TENM1: variants seen among roughly 807,000 people sequenced by gnomAD.
TENM1 encodes teneurin transmembrane protein 1.
In TENM1, 35 loss-of-function variants were observed where a neutral mutation model predicts 174.8. That is an observed-to-expected ratio of 0.20 (90% CI 0.15 to 0.27). The LOEUF (loss-of-function observed/expected upper bound fraction) is 0.27. Ranked by LOEUF, TENM1 falls within the 10% of genes least tolerant of loss-of-function variation. The pLI, the probability that TENM1 is intolerant of heterozygous loss-of-function variation, is 1.00. For synonymous variants in TENM1, 781 were observed against 798.7 expected, an observed-to-expected ratio of 0.98 and a Z score of 0.37; for missense variants, 1,633 against 2,130.1, an observed-to-expected ratio of 0.77 and a Z score of 4.59.
chrX:124,602,603 C>A (rs1215349966), intron 11 of TENM1, among the ~76,000 whole-genome samples: 1 of 110,406 alleles, frequency 9.1e-6, no homozygotes, highest in Non-Finnish European at 1.9e-5. Context: ...TGTTATGGTG[C>A]AAGGGTGAGG....
the TENM1 span, among the ~76,000 whole-genome samples, chrX:125,008,163 C>T: frequency 5.1e-3 from 563 of 109,586 alleles, 3 homozygotes; most frequent in Non-Finnish European, 8.4e-3. Context: ...CACATATAGG[C>T]TTAAAATAAA....
chrX:125,090,374 G>A, the TENM1 span, among the ~76,000 whole-genome samples: 3 of 111,314 alleles, frequency 2.7e-5, no homozygotes, highest in Non-Finnish European at 5.7e-5. Context: ...GGCCAGATAC[G>A]GTGGCTCACG....
the TENM1 span, among the ~76,000 whole-genome samples, chrX:125,156,571 C>T: frequency 8.9e-6 from 1 of 112,224 alleles, no homozygotes; most frequent in Non-Finnish European, 1.9e-5. Context: ...ATCCATACTG[C>T]TGCAAAGGAC....
Position 124,547,098 on chromosome X carries a change from TA to T in TENM1, c.2435-9del. 8.4e-7 allele frequency: 1 copy of T among 1,187,087 alleles called. No individual in the cohort carries two copies. Among genetic ancestry groups the T allele is most frequent in the Non-Finnish European group, 1.1e-6 (1 of 874,753 alleles). On this transcript the variant is annotated splice_polypyrimidine_tract_variant and intron_variant, in intron 14 of 31. Coordinates refer to ENST00000422452, the Ensembl canonical transcript of TENM1. ...CACAGTCGGTTAAACCATCTGGAAA[TA>T]AAACCCAAAACCAATATTGATTATT...
the TENM1 span, among the ~76,000 whole-genome samples, chrX:125,066,127 A>G: frequency 8.9e-6 from 1 of 111,925 alleles, no homozygotes; most frequent in Admixed American, 9.5e-5. Flanking sequence ...ACTTAAAAAG[A>G]TTTTTCTAAG....
At chrX:124,635,882 T>C (rs73558356) in intron 11 of TENM1, among the ~76,000 whole-genome samples, 7,626 of 112,138 alleles carry the variant, frequency 0.068, 594 homozygotes, top group African/African-American at 0.23. Flanking sequence ...AAATCTAAAG[T>C]ATATTATAAC....
chrX:125,170,634 G>C, the TENM1 span, among the ~76,000 whole-genome samples: 1 of 110,778 alleles, frequency 9.0e-6, no homozygotes, highest in East Asian at 2.9e-4. Context: ...AAATAATTGC[G>C]CAAGTTCCTC....
the TENM1 span, among the ~76,000 whole-genome samples, chrX:125,138,261 T>TC: frequency 9.0e-6 from 1 of 110,836 alleles, no homozygotes; most frequent in African/African-American, 3.3e-5. Flanking sequence ...TTTTTTTTTT[T>TC]CTGCAGTAGC....
At chrX:124,433,318 T>G (rs1229372987) in intron 23 of TENM1, among the ~76,000 whole-genome samples, 2 of 111,929 alleles carry the variant, frequency 1.8e-5, no homozygotes, top group African/African-American at 6.5e-5. Flanking sequence ...TGAAATAAAT[T>G]AAGTCTGAAA....
At chrX:124,723,603 G>GTTTTTTTTTTTT (rs1198093791) in intron 4 of TENM1, among the ~76,000 whole-genome samples, 3 of 74,941 alleles carry the variant, frequency 4.0e-5, no homozygotes, top group Non-Finnish European at 5.0e-5. Context: ...TTTTTTTTTT[G>GTTTTTTTTTTTT]TTTTTTTTTT....
chrX:124,603,681 C>G (rs887155342), intron 11 of TENM1, among the ~76,000 whole-genome samples: 1 of 111,812 alleles, frequency 8.9e-6, no homozygotes, highest in Non-Finnish European at 1.9e-5. Context: ...CTAAATAAGT[C>G]TGATTGGCTG....
the TENM1 span, among the ~76,000 whole-genome samples, chrX:125,052,055 G>A: frequency 8.1e-5 from 9 of 111,582 alleles, no homozygotes; most frequent in African/African-American, 2.3e-4. Context: ...GACACTTCTC[G>A]AAAGAAGACA....
intron 11 of TENM1, among the ~76,000 whole-genome samples, chrX:124,612,495 G>C (rs1014174280): frequency 9.0e-6 from 1 of 111,198 alleles, no homozygotes; most frequent in Non-Finnish European, 1.9e-5. Flanking sequence ...TTTTTTCTAA[G>C]AATTAAACCT....
rs558435255 is a variant in TENM1, at chrX:124,390,816, G to A, written c.5688+1236C>T. On this transcript the variant is annotated intron_variant, in intron 28 of 31. Transcript: ENST00000422452. ...GGCATTCTGTAGGCACTAGTCACAC[G>A]GTTTTGCCAATCATTCTTGTTACCA... Among the ~76,000 whole-genome samples, 27 of 112,219 alleles carry A rather than the reference G, an allele frequency of 2.4e-4. 1 individual carries two copies. In the South Asian group the frequency reaches 9.7e-3, roughly 40 times the overall value.
chrX:124,795,624 A>T (rs1332538233), intron 3 of TENM1, among the ~76,000 whole-genome samples: 1 of 111,120 alleles, frequency 9.0e-6, no homozygotes, highest in Admixed American at 9.6e-5. Flanking sequence ...CTTTCTATTG[A>T]AGTAGTAAGT....
At chrX:125,163,059 A>C in the TENM1 span, among the ~76,000 whole-genome samples, 1 of 111,406 alleles carries the variant, frequency 9.0e-6, no homozygotes, top group Non-Finnish European at 1.9e-5. Context: ...ATCCAGGCTA[A>C]CATTAACTTT....
chrX:124,492,950 T>C (rs1176724154), intron 20 of TENM1, among the ~76,000 whole-genome samples: 3 of 108,579 alleles, frequency 2.8e-5, no homozygotes, highest in Non-Finnish European at 3.8e-5. Context: ...CTAACACTAA[T>C]AAAAAAAAAG....
intron 14 of TENM1, among the ~76,000 whole-genome samples, chrX:124,551,823 T>C (rs971565442): frequency 2.0e-4 from 22 of 112,123 alleles, no homozygotes; most frequent in Non-Finnish European, 3.4e-4. Context: ...TTCTAAAACA[T>C]ACAGACTGCA....
chrX:124,688,731 G>A (rs1285852826), intron 5 of TENM1: 1 of 111,917 alleles, frequency 8.9e-6, no homozygotes, highest in Admixed American at 9.5e-5. Flanking sequence ...TGTTTTTAAT[G>A]ACAAACTTCT....
Sources: gnomAD v4.1 joint callset for allele counts (sites outside exome capture counted in the v4.1 genomes callset) on GRCh38, gnomAD v4.1.1 for gene constraint, MANE v1.5 for transcripts, NCBI Gene and HGNC (gene_info 2026-07-23, HGNC 2026-07-21) for gene names.